SLC22A24: variants seen among roughly 807,000 people sequenced by gnomAD.
The protein encoded by SLC22A24 is solute carrier family 22 member 24, also known as steroid transmembrane transporter SLC22A24.
In SLC22A24, 53 loss-of-function variants were observed where a neutral mutation model predicts 49.8. The observed-to-expected ratio is 1.06, with a 90% confidence interval of 0.85 to 1.34. SLC22A24 has a LOEUF of 1.34. Among genes scored for constraint, SLC22A24 ranks in the 40% most tolerant of loss-of-function variants. The pLI is 0.00. For synonymous variants in SLC22A24, 302 were observed against 256.4 expected, an observed-to-expected ratio of 1.18 and a Z score of -1.70; for missense variants, 786 against 675.9, an observed-to-expected ratio of 1.16 and a Z score of -1.81.
intron 5 of SLC22A24, 107 bp from the exon 6 acceptor site, chr11:63,096,213 G>A (rs2087054196): frequency 4.4e-6 from 3 of 685,658 alleles, no homozygotes; most frequent in Non-Finnish European, 7.6e-6. Context: ...CTATCCTCAA[G>A]GAAATTTCTG....
At chr11:63,122,218 G>C (rs2087257020) in intron 2 of SLC22A24, among the ~76,000 whole-genome samples, 1 of 152,128 alleles carries the variant, frequency 6.6e-6, no homozygotes, top group South Asian at 2.1e-4. Flanking sequence ...GATGTGGCAA[G>C]TAATATACGC....
intron 4 of SLC22A24, among the ~76,000 whole-genome samples, chr11:63,112,818 C>T (rs1198943943): frequency 6.0e-5 from 9 of 150,884 alleles, no homozygotes; most frequent in African/African-American, 1.7e-4. Context: ...TTGAGACCAT[C>T]GTGGCTAATA....
chr11:63,125,318 C>G (rs2087282298), intron 2 of SLC22A24, among the ~76,000 whole-genome samples: 1 of 152,104 alleles, frequency 6.6e-6, no homozygotes, highest in Admixed American at 6.5e-5. Flanking sequence ...GCCCTGCACT[C>G]CACGACAGGC....
intron 4 of SLC22A24, among the ~76,000 whole-genome samples, chr11:63,113,010 TCAAAAAAAAA>T (rs1328238581): frequency 2.3e-5 from 1 of 42,772 alleles, no homozygotes; most frequent in African/African-American, 1.6e-4. Context: ...AGACTCTGTC[TCAAAAAAAAA>T]AAAAAAAAAA....
At chr11:63,084,839 T>C (rs2086978537) in intron 6 of SLC22A24, among the ~76,000 whole-genome samples, 1 of 152,210 alleles carries the variant, frequency 6.6e-6, no homozygotes, top group Non-Finnish European at 1.5e-5. Context: ...CAGAAACAGG[T>C]TCTCTAACTC....
At chr11:63,119,439 G>T in intron 2 of SLC22A24, 104 bp from the exon 3 acceptor site, 1 of 1,101,426 alleles carries the variant, frequency 9.1e-7, no homozygotes, top group South Asian at 1.7e-5. Flanking sequence ...TGTTTAACAA[G>T]TGGAACATGG....
At position 63,080,109 on chromosome 11, in the gene SLC22A24, A is replaced by T. The variant is rs1328414147; in HGVS notation, c.1599-109T>A. Reference sequence around the variant, plus strand: ...CCTGAGGACAAGCTGCCCTCTACCCACCAGCATTGTAATCCAAGATTCTCT... The same window carrying T: ...CCTGAGGACAAGCTGCCCTCTACCCTCCAGCATTGTAATCCAAGATTCTCT... On this transcript the variant is annotated intron_variant, in intron 9 of 9. Coordinates refer to ENST00000612278, the MANE Select transcript of SLC22A24 (RefSeq NM_001136506.2). 6.5e-5 allele frequency: 43 copies of T among 659,548 alleles called. 1 individual carries two copies. Among genetic ancestry groups the T allele is most frequent in the Non-Finnish European group, 1.1e-4 (42 of 384,986 alleles). The allele number at this position is 659,548 out of a possible 1,614,324, so 40.9% of individuals were successfully genotyped here.
At chr11:63,094,913 T>C (rs565187485) in intron 6 of SLC22A24, among the ~76,000 whole-genome samples, 1 of 152,288 alleles carries the variant, frequency 6.6e-6, no homozygotes, top group South Asian at 2.1e-4. Context: ...TGCAACAATT[T>C]TCTCCCATTG....
intron 4 of SLC22A24, among the ~76,000 whole-genome samples, chr11:63,113,680 C>A (rs922584684): frequency 6.6e-6 from 1 of 151,838 alleles, no homozygotes; most frequent in East Asian, 1.9e-4. Flanking sequence ...GCAGTGAAAC[C>A]CCATCTCTAC....
intron 3 of SLC22A24, 40 bp from the exon 4 acceptor site, chr11:63,119,120 T>C: frequency 6.5e-7 from 1 of 1,526,752 alleles, no homozygotes; most frequent in South Asian, 1.2e-5. Context: ...TTTAGACAAA[T>C]GGTAATTTCA....
chr11:63,109,116 G>A lies in SLC22A24; in HGVS notation c.831-4818C>T, dbSNP rs189757074. Among the ~76,000 whole-genome samples, 661 of 150,050 alleles carry A rather than the reference G, an allele frequency of 4.4e-3. 5 individuals are homozygous for A. The highest frequency in any genetic ancestry group is 0.016 in the African/African-American group (641 of 40,862). On this transcript the variant is annotated intron_variant, in intron 4 of 9. Coordinates refer to ENST00000612278, the MANE Select transcript of SLC22A24 (RefSeq NM_001136506.2). ...GTGGTGTTTGGTTTTTTGTTCTTGC[G>A]ATAATTTACTGAGAATGATGATTTC...
chr11:63,093,273 G>C (rs2087032011), intron 6 of SLC22A24, among the ~76,000 whole-genome samples: 1 of 151,964 alleles, frequency 6.6e-6, no homozygotes, highest in Non-Finnish European at 1.5e-5. Context: ...TTGTAGAAGA[G>C]AGTAGTGTGG....
intron 4 of SLC22A24, among the ~76,000 whole-genome samples, chr11:63,112,849 T>TA (rs1242889857): frequency 6.7e-6 from 1 of 149,962 alleles, no homozygotes; most frequent in African/African-American, 2.5e-5. Flanking sequence ...CCGTCTCTAC[T>TA]AAAAAATACA....
Position 63,083,399 on chromosome 11 carries a change from T to A in SLC22A24, c.1129A>T (p.Asn377Tyr), listed in dbSNP as rs1423102247. The A allele has an allele frequency of 6.4e-7, 1 of 1,551,512 alleles. No homozygotes were observed. Among genetic ancestry groups the A allele is most frequent in the Admixed American group, 2.0e-5 (1 of 50,996 alleles). The change falls in exon 7 of 10, where the codon AAT becomes TAT. Residue 377 changes from asparagine to tyrosine, a missense_variant. Coordinates refer to ENST00000612278, the MANE Select transcript of SLC22A24 (RefSeq NM_001136506.2). ...CAGAGAATCTGGAACAGGGAGACAT[T>A]GCTCCCTAAGTGCTGCAAGTTGAGT... Reference protein sequence around the residue: ...LILNLQHLGSNVSLFQILCGA... With the variant: ...LILNLQHLGSYVSLFQILCGA...
chr11:63,105,679 C>T (rs1442747500), intron 4 of SLC22A24, among the ~76,000 whole-genome samples: 1 of 152,008 alleles, frequency 6.6e-6, no homozygotes, highest in Non-Finnish European at 1.5e-5. Flanking sequence ...CCCAGTAAGT[C>T]ATTTTTTTTT....
chr11:63,139,683 T>C (rs1432951516), intron 1 of SLC22A24, among the ~76,000 whole-genome samples: 1 of 152,186 alleles, frequency 6.6e-6, no homozygotes, highest in Non-Finnish European at 1.5e-5. Flanking sequence ...CACTGACTTC[T>C]CCCAAAGTAT....
At position 63,119,019 on chromosome 11, in the gene SLC22A24, G is replaced by A. The variant is rs1033863151; in HGVS notation, c.723C>T (p.Tyr241=). 1.3e-6 allele frequency: 2 copies of A among 1,551,614 alleles called. No homozygotes were observed. Among genetic ancestry groups the A allele is most frequent in the Non-Finnish European group, 1.7e-6 (2 of 1,146,908 alleles). The change falls in exon 4 of 10, where the codon TAC becomes TAT. Residue 241 remains tyrosine (Y), a synonymous_variant. Transcript: ENST00000612278. ...SMTIMVLLCS[Y]SVGQMLLGGL... ...CTCCTAGGAGCATCTGCCCAACACT[G>A]TAGGAACATAATAGCACCATTATTG...
chr11:63,135,603 G>A (rs1013246112), intron 1 of SLC22A24, among the ~76,000 whole-genome samples: 1 of 152,168 alleles, frequency 6.6e-6, no homozygotes, highest in Admixed American at 6.5e-5. Flanking sequence ...AAATAATGTG[G>A]TTATGTTATC....
At chr11:63,080,148 A>G (rs1031537257) in intron 9 of SLC22A24, 148 bp from the exon 10 acceptor site, 7 of 573,194 alleles carry the variant, frequency 1.2e-5, no homozygotes, top group South Asian at 7.8e-5. Context: ...TATTGATACT[A>G]TTGTGTTGGA....
Sources: gnomAD v4.1 joint callset for allele counts (sites outside exome capture counted in the v4.1 genomes callset) on GRCh38, gnomAD v4.1.1 for gene constraint, MANE v1.5 for transcripts, NCBI Gene and HGNC (gene_info 2026-07-23, HGNC 2026-07-21) for gene names.